NBEA: variants seen among roughly 807,000 people sequenced by gnomAD.
NBEA encodes neurobeachin.
NBEA carries 44 observed loss-of-function variants against 343.4 expected under a neutral mutation model. That is an observed-to-expected ratio of 0.13 (90% CI 0.10 to 0.16). The LOEUF (loss-of-function observed/expected upper bound fraction) is 0.16, where lower values mean the gene tolerates loss of function less well. Among genes scored for constraint, NBEA ranks in the 10% least tolerant of loss-of-function variants. The probability of loss-of-function intolerance (pLI) is 1.00; values close to 1 mark genes in which losing one functional copy is unlikely to be tolerated. For missense variants in NBEA, 2,555 were observed against 3,631.3 expected, an observed-to-expected ratio of 0.70 and a Z score of 7.62; for synonymous variants, 1,175 against 1,238.7, an observed-to-expected ratio of 0.95 and a Z score of 1.08.
intron 1 of NBEA, among the ~76,000 whole-genome samples, chr13:34,944,835 A>T (rs575275101): frequency 6.6e-6 from 1 of 152,294 alleles, no homozygotes; most frequent in South Asian, 2.1e-4. Flanking sequence ...TACTTAATAC[A>T]TTTTAACCTG....
In NBEA at chr13:35,000,385, C is replaced by T. The variant is rs147915027; in HGVS notation, c.295-40548C>T. On this transcript the variant is annotated intron_variant, in intron 1 of 58. Transcript: ENST00000379939. The stretch of plus-strand genomic sequence containing the variant: ...GTAAGCTATGGTTCTGGTCCTGTTT[C>T]GGAGAAGATAGATATGCTTGCTTGC... 6.0e-3 allele frequency among the ~76,000 whole-genome samples: 914 copies of T among 151,908 alleles called. 5 individuals carry two copies. The highest frequency in any genetic ancestry group is 0.021 in the African/African-American group (876 of 41,444).
chr13:35,373,834 G>A (rs893663910), intron 38 of NBEA, among the ~76,000 whole-genome samples: 3 of 152,048 alleles, frequency 2.0e-5, no homozygotes, highest in African/African-American at 7.3e-5. Flanking sequence ...AGGCTGAGGA[G>A]GAGGAAGAAG....
chr13:35,572,464 A>T (rs941310909), intron 45 of NBEA, among the ~76,000 whole-genome samples: 7 of 152,238 alleles, frequency 4.6e-5, no homozygotes, highest in Non-Finnish European at 8.8e-5. Context: ...TATTTTGTTA[A>T]CACAGGAGTT....
At chr13:35,251,350 C>T (rs117409501) in intron 34 of NBEA, 18,825 of 1,021,420 alleles carry the variant, frequency 0.018, 220 homozygotes, top group Non-Finnish European at 0.02. Context: ...CACATCCTCA[C>T]CAGCCTTGGA....
intron 41 of NBEA, among the ~76,000 whole-genome samples, chr13:35,523,852 T>G (rs1369864719): frequency 1.3e-5 from 2 of 152,188 alleles, no homozygotes; most frequent in Non-Finnish European, 2.9e-5. Flanking sequence ...TTTCTATTTA[T>G]TTTAGCTATA....
Position 35,672,155 on chromosome 13 carries a change from A to G in NBEA, c.*1164A>G, listed in dbSNP as rs1330223829. On this transcript the variant is annotated 3_prime_UTR_variant, in exon 59 of 59. Transcript: ENST00000379939. ...AAATGATTTTCCATACATTGTACTG[A>G]TCAAGTTATACACCCAGGGGTATAT... The G allele has an allele frequency of 6.6e-6, 1 of 152,614 alleles. No individual in the cohort carries two copies. Among genetic ancestry groups the G allele is most frequent in the African/African-American group, 2.4e-5 (1 of 41,440 alleles). The allele number at this position is 152,614 out of a possible 1,614,324, so 9.5% of individuals were successfully genotyped here. A position where few individuals can be genotyped will look rare whatever the true frequency, so the allele number is the denominator to read the frequency against.
intron 49 of NBEA, among the ~76,000 whole-genome samples, chr13:35,638,565 A>G (rs1252397410): frequency 1.3e-5 from 2 of 152,174 alleles, no homozygotes; most frequent in Non-Finnish European, 1.5e-5. Flanking sequence ...AAGGGAGCAC[A>G]GGTCTATGGA....
intron 39 of NBEA, among the ~76,000 whole-genome samples, chr13:35,435,437 T>A (rs1433001295): frequency 2.6e-5 from 4 of 152,102 alleles, no homozygotes; most frequent in Admixed American, 6.6e-5. Context: ...TAGACAGGAA[T>A]GTTCTTGTTT....
intron 57 of NBEA, 133 bp downstream of exon 57, chr13:35,667,703 T>C: frequency 3.5e-6 from 3 of 848,350 alleles, no homozygotes; most frequent in Non-Finnish European, 3.6e-6. Context: ...AGTATATAAC[T>C]TCTTGCGGAC....
At chr13:35,285,800 G>C (rs2035384082) in intron 34 of NBEA, among the ~76,000 whole-genome samples, 1 of 152,102 alleles carries the variant, frequency 6.6e-6, no homozygotes, top group African/African-American at 2.4e-5. Flanking sequence ...AAATCCTGTA[G>C]TGGCTCCCTG....
At chr13:35,251,714 G>A (rs1433399480) in intron 34 of NBEA, 9 of 325,554 alleles carry the variant, frequency 2.8e-5, no homozygotes, top group South Asian at 1.6e-4. Context: ...ACTGGTGCCC[G>A]GGGATGACTA....
chr13:35,435,560 C>T (rs2045385341), intron 39 of NBEA, among the ~76,000 whole-genome samples: 1 of 148,804 alleles, frequency 6.7e-6, no homozygotes, highest in Non-Finnish European at 1.5e-5. Flanking sequence ...GTGGGGGGGG[C>T]GTGTAGATGT....
intron 49 of NBEA, among the ~76,000 whole-genome samples, chr13:35,644,456 G>A (rs749437098): frequency 6.6e-6 from 1 of 152,158 alleles, no homozygotes; most frequent in Non-Finnish European, 1.5e-5. Flanking sequence ...CTAGAGTCAA[G>A]CAAAGCATGT....
At chr13:35,642,974 C>T (rs1048504625) in intron 49 of NBEA, among the ~76,000 whole-genome samples, 2 of 150,806 alleles carry the variant, frequency 1.3e-5, no homozygotes, top group Admixed American at 6.7e-5. Context: ...ATAAAGTTAA[C>T]GTTAAATCTC....
intron 38 of NBEA, among the ~76,000 whole-genome samples, chr13:35,362,894 A>T (rs540837409): frequency 6.6e-6 from 1 of 152,042 alleles, no homozygotes. Context: ...TTAAAGTGAC[A>T]TAAGGTAAGC....
chr13:35,214,645 T>C (rs2073963844), intron 33 of NBEA, among the ~76,000 whole-genome samples: 1 of 151,756 alleles, frequency 6.6e-6, no homozygotes, highest in Admixed American at 6.6e-5. Flanking sequence ...TTTTGTTGTA[T>C]ATATTTTTAT....
At chr13:35,126,140 G>C (rs78922598) in intron 17 of NBEA, among the ~76,000 whole-genome samples, 4,242 of 152,288 alleles carry the variant, frequency 0.028, 86 homozygotes, top group South Asian at 0.075. Context: ...CCCCCCTGCT[G>C]TTCTTGTAAT....
chr13:35,254,360 T>C (rs2032338378), intron 34 of NBEA, among the ~76,000 whole-genome samples: 1 of 150,730 alleles, frequency 6.6e-6, no homozygotes, highest in Non-Finnish European at 1.5e-5. Context: ...GGTCTTACTC[T>C]GTTAACAGGC....
At chr13:35,597,975 G>A (rs888100099) in intron 47 of NBEA, among the ~76,000 whole-genome samples, 2 of 152,078 alleles carry the variant, frequency 1.3e-5, no homozygotes, top group Non-Finnish European at 2.9e-5. Flanking sequence ...ACAGTCCTCC[G>A]AATCTGGTCA....
Sources: allele counts gnomAD v4.1 joint callset (sites outside exome capture counted in the v4.1 genomes callset), GRCh38; gene constraint gnomAD v4.1.1; transcripts MANE v1.5; gene names NCBI Gene and HGNC (gene_info 2026-07-23, HGNC 2026-07-21).